Variants in GALNT2 observed in about 807,000 individuals in gnomAD.
The protein encoded by GALNT2 is polypeptide N-acetylgalactosaminyltransferase 2, also known as UDP-GalNAc:polypeptide N-acetylgalactosaminyltransferase 2.
Under a neutral mutation model 81.4 loss-of-function variants are expected in GALNT2, and 31 were observed. That is an observed-to-expected ratio of 0.38 (90% confidence interval 0.29 to 0.51). GALNT2 has a LOEUF of 0.51. Among genes scored for constraint, GALNT2 ranks in the 20% least tolerant of loss-of-function variants. The probability of loss-of-function intolerance (pLI) is 0.87; values close to 1 mark genes in which losing one functional copy is unlikely to be tolerated. For synonymous variants in GALNT2, 303 were observed against 287.4 expected, an observed-to-expected ratio of 1.05 and a Z score of -0.55; for missense variants, 629 against 765.7, an observed-to-expected ratio of 0.82 and a Z score of 2.11.
At chr1:230,072,435 T>C (rs1007736164) in intron 1 of GALNT2, among the ~76,000 whole-genome samples, 1 of 152,076 alleles carries the variant, frequency 6.6e-6, no homozygotes, top group Non-Finnish European at 1.5e-5. Context: ...ACTGTGAGGC[T>C]CTGGCTGAGA....
intron 3 of GALNT2, among the ~76,000 whole-genome samples, chr1:230,206,273 G>A (rs1485335826): frequency 3.3e-5 from 5 of 152,018 alleles, no homozygotes; most frequent in Admixed American, 6.5e-5. Context: ...CTATATGTAC[G>A]TATATTTTTT....
At chr1:230,179,016 A>AG (rs1259627733) in intron 2 of GALNT2, among the ~76,000 whole-genome samples, 2 of 151,586 alleles carry the variant, frequency 1.3e-5, no homozygotes, top group African/African-American at 4.8e-5. Context: ...TTGGAATCAT[A>AG]GGGTATGTCA....
chr1:230,202,819 G>T lies in GALNT2; in HGVS notation c.221-318G>T, dbSNP rs148728981. Among the ~76,000 whole-genome samples, 28 of 152,346 alleles carry T rather than the reference G, an allele frequency of 1.8e-4. No homozygotes were observed. In the East Asian group the frequency reaches 5.0e-3, roughly 27 times the overall value. Reference sequence around the variant, plus strand: ...TCCCTGGAAAGGTGGGACAAGCTGAGAACATCTCCTTTTATAGAAAACATG... The same window carrying T: ...TCCCTGGAAAGGTGGGACAAGCTGATAACATCTCCTTTTATAGAAAACATG... On this transcript the variant is annotated intron_variant, in intron 2 of 15. Transcript: ENST00000366672.
chr1:230,230,888 C>T (rs1572112270), intron 3 of GALNT2, among the ~76,000 whole-genome samples: 1 of 152,254 alleles, frequency 6.6e-6, no homozygotes, highest in Non-Finnish European at 1.5e-5. Flanking sequence ...GTGGCTATCT[C>T]ATAAGAAGTG....
chr1:230,163,477 G>C (rs565961570), intron 1 of GALNT2, among the ~76,000 whole-genome samples: 2 of 152,230 alleles, frequency 1.3e-5, no homozygotes, highest in Non-Finnish European at 2.9e-5. Flanking sequence ...TCAGGCGGTT[G>C]TGTGGCTCTG....
chr1:230,086,139 G>C (rs1659892030), intron 1 of GALNT2, among the ~76,000 whole-genome samples: 1 of 152,162 alleles, frequency 6.6e-6, no homozygotes, highest in African/African-American at 2.4e-5. Flanking sequence ...GTATTCCTAG[G>C]GTGCCAGAGG....
At position 230,271,905 on chromosome 1, in the gene GALNT2, T is replaced by C. The variant is rs1266428750; in HGVS notation, c.1441-2540T>C. ...CCCAGAGGATGGGGTGGCGGGGGAC[T>C]GACGGTTTCAAGCTTCTCAGCATAA... On this transcript the variant is annotated intron_variant, in intron 14 of 15. Transcript: ENST00000366672. This position sits in a 1 kb window ranked among gnomAD's most constrained non-coding sequence, Gnocchi z 4.2. Among the ~76,000 whole-genome samples, 3 of 152,170 alleles carry C rather than the reference T, an allele frequency of 2.0e-5. No homozygotes were observed. Among genetic ancestry groups the C allele is most frequent in the Non-Finnish European group, 4.4e-5 (3 of 68,032 alleles).
At chr1:230,102,219 A>G (rs1264837090) in intron 1 of GALNT2, among the ~76,000 whole-genome samples, 2 of 152,232 alleles carry the variant, frequency 1.3e-5, no homozygotes, top group Non-Finnish European at 2.9e-5. Flanking sequence ...AGCTTAGACG[A>G]AGCCCCAGGA....
intron 1 of GALNT2, among the ~76,000 whole-genome samples, chr1:230,137,010 C>G (rs1009557124): frequency 6.6e-6 from 1 of 152,224 alleles, no homozygotes; most frequent in African/African-American, 2.4e-5. Context: ...AGTCAGTGGG[C>G]TATTCCGAAG....
intron 4 of GALNT2, 110 bp from the exon 5 acceptor site, chr1:230,236,243 G>A (rs1252384157): frequency 1.4e-5 from 19 of 1,357,900 alleles, no homozygotes; most frequent in Non-Finnish European, 1.9e-5. Context: ...GGTGCAGTGT[G>A]TAGCTCCTCC....
At chr1:230,253,531 T>C (rs1414293858) in intron 10 of GALNT2, among the ~76,000 whole-genome samples, 5 of 152,266 alleles carry the variant, frequency 3.3e-5, no homozygotes, top group Non-Finnish European at 7.3e-5. Flanking sequence ...TATATGTGTA[T>C]ATTTTTACTT....
At chr1:230,116,174 C>T (rs1256725223) in intron 1 of GALNT2, among the ~76,000 whole-genome samples, 1 of 152,160 alleles carries the variant, frequency 6.6e-6, no homozygotes, top group African/African-American at 2.4e-5. Flanking sequence ...TTTCACTTGA[C>T]TTTGCCCAGA....
intron 3 of GALNT2, among the ~76,000 whole-genome samples, chr1:230,227,494 T>C (rs1664749422): frequency 6.7e-6 from 1 of 150,070 alleles, no homozygotes; most frequent in Non-Finnish European, 1.5e-5. Context: ...TATAGCTATA[T>C]ATGCTATATA....
intron 1 of GALNT2, among the ~76,000 whole-genome samples, chr1:230,087,477 G>A (rs1659933691): frequency 6.6e-6 from 1 of 152,054 alleles, no homozygotes; most frequent in Non-Finnish European, 1.5e-5. Context: ...CCCCATAACT[G>A]CCAGCCCGCA....
At chr1:230,086,045 G>A (rs1659889484) in intron 1 of GALNT2, among the ~76,000 whole-genome samples, 1 of 152,182 alleles carries the variant, frequency 6.6e-6, no homozygotes, top group South Asian at 2.1e-4. Flanking sequence ...ACGAACTCGG[G>A]TTCCACCAGA....
chr1:230,179,927 C>T (rs535280045), intron 2 of GALNT2, among the ~76,000 whole-genome samples: 1 of 152,132 alleles, frequency 6.6e-6, no homozygotes, highest in African/African-American at 2.4e-5. Flanking sequence ...GGTGTATTTA[C>T]TTATTTATTT....
At chr1:230,096,033 C>G (rs924596100) in intron 1 of GALNT2, among the ~76,000 whole-genome samples, 5 of 152,234 alleles carry the variant, frequency 3.3e-5, no homozygotes, top group African/African-American at 1.2e-4. Flanking sequence ...TCCCATGAAC[C>G]CAGGGCTGTG....
At chr1:230,252,524 G>A (rs956389475) in intron 10 of GALNT2, among the ~76,000 whole-genome samples, 4 of 152,144 alleles carry the variant, frequency 2.6e-5, no homozygotes, top group Non-Finnish European at 4.4e-5. Context: ...CTTTCTTAAC[G>A]GAGTGTGGTC....
At chr1:230,149,070 G>C (rs28663131) in intron 1 of GALNT2, among the ~76,000 whole-genome samples, 2 of 149,682 alleles carry the variant, frequency 1.3e-5, no homozygotes, top group East Asian at 4.0e-4. Flanking sequence ...TTGTAGAGAC[G>C]GCGTTTCTCC....
Sources: allele counts gnomAD v4.1 joint callset (sites outside exome capture counted in the v4.1 genomes callset), GRCh38; gene constraint gnomAD v4.1.1; non-coding constraint Gnocchi (gnomAD v3.1); transcripts MANE v1.5; gene names NCBI Gene and HGNC (gene_info 2026-07-23, HGNC 2026-07-21).